Variants in ZBTB10 observed in about 807,000 individuals in gnomAD.
ZBTB10 encodes the protein zinc finger and BTB domain containing 10.
Under a neutral mutation model 76.4 loss-of-function variants are expected in ZBTB10, and 32 were observed. That is an observed-to-expected ratio of 0.42 (90% CI 0.32 to 0.56). The LOEUF (loss-of-function observed/expected upper bound fraction) is 0.56. ZBTB10 is among the 20% of genes least tolerant of loss of function. The probability of loss-of-function intolerance (pLI) is 0.14; values close to 1 mark genes in which losing one functional copy is unlikely to be tolerated. For synonymous variants in ZBTB10, 523 were observed against 432.9 expected (o/e 1.21, Z -2.58); for missense variants, 1,057 against 1,098.5 (o/e 0.96, Z 0.53).
At position 80,487,257 on chromosome 8, in the gene ZBTB10, C is replaced by A; in HGVS notation, c.447C>A (p.Pro149=). 6.4e-7 allele frequency: 1 copy of A among 1,552,184 alleles called. No individual in the cohort carries two copies. Among genetic ancestry groups the A allele is most frequent in the Admixed American group, 1.9e-5 (1 of 51,648 alleles). ...GCCGCCCCGAGACCTCGGTGTGGCCCTTGAGGCATTTCAATGGGCGAGGGC... is the reference window on the plus strand; with the variant it reads ...GCCGCCCCGAGACCTCGGTGTGGCCATTGAGGCATTTCAATGGGCGAGGGC... ...SRGRPETSVW[P]LRHFNGRGPA... is the part of the protein sequence containing the mutation. The change falls in exon 1 of 6, where the codon CCC becomes CCA. Residue 149 remains proline, a synonymous_variant. Transcript: ENST00000455036.
chr8:80,517,747 A>G (rs888946189), intron 3 of ZBTB10, among the ~76,000 whole-genome samples: 2 of 152,054 alleles, frequency 1.3e-5, no homozygotes, highest in Non-Finnish European at 2.9e-5. Context: ...CTTAAGTGAT[A>G]GAGTAGTTAG....
At position 80,505,049 on chromosome 8, in the gene ZBTB10, A is replaced by G. The variant is rs562184030; in HGVS notation, c.1861+4667A>G. Among the ~76,000 whole-genome samples the G allele has an allele frequency of 2.0e-5, 3 of 152,330 alleles. No individual in the cohort carries two copies. In the South Asian group the frequency reaches 6.2e-4, roughly 32 times the overall value. ...GTCATACTAGCAACTTCTACCTATT[A>G]TAAATAATTTTACTCTGTATGTACG... is the stretch of plus-strand genomic sequence containing the variant. On this transcript the variant is annotated intron_variant, in intron 2 of 5. Coordinates refer to ENST00000455036, the MANE Select transcript of ZBTB10 (RefSeq NM_001105539.3).
upstream of ZBTB10, chr8:80,486,150 C>A (rs1279526726): frequency 1.3e-6 from 1 of 752,946 alleles, no homozygotes; most frequent in Non-Finnish European, 1.8e-6. Flanking sequence ...CCCCCTCCCC[C>A]AGCCCGGCCC....
intron 1 of ZBTB10, among the ~76,000 whole-genome samples, chr8:80,497,233 A>G (rs763280784): frequency 2.8e-4 from 43 of 151,636 alleles, no homozygotes; most frequent in Non-Finnish European, 5.3e-4. Context: ...TTTTTCTTTT[A>G]ACCAAATATT....
intron 1 of ZBTB10, among the ~76,000 whole-genome samples, chr8:80,490,269 TG>T (rs1307600021): frequency 6.6e-6 from 1 of 152,164 alleles, no homozygotes; most frequent in African/African-American, 2.4e-5. Context: ...CTTTTTGTTT[TG>T]TTTTTTTGAG....
chr8:80,517,435 T>C (rs2131517359), intron 3 of ZBTB10, among the ~76,000 whole-genome samples: 1 of 152,310 alleles, frequency 6.6e-6, no homozygotes, highest in East Asian at 1.9e-4. Flanking sequence ...CTGTCCTTGC[T>C]AATCTGAAGA....
At chr8:80,519,168 A>C in intron 5 of ZBTB10, 55 bp from the exon 6 acceptor site, 1 of 1,534,106 alleles carries the variant, frequency 6.5e-7, no homozygotes, top group Non-Finnish European at 8.8e-7. Context: ...AGTGGTTCAA[A>C]TGCATTCTAT....
At chr8:80,514,619 A>G (rs934757628) in intron 3 of ZBTB10, among the ~76,000 whole-genome samples, 4 of 152,338 alleles carry the variant, frequency 2.6e-5, no homozygotes, top group Admixed American at 1.3e-4. Context: ...TTGTCCCCCT[A>G]TGATTGGGTG....
intron 1 of ZBTB10, among the ~76,000 whole-genome samples, chr8:80,493,207 G>GCGCGCGCGCGCGCGCGCGCACACACACA (rs375071529): frequency 8.0e-6 from 1 of 125,244 alleles, no homozygotes; most frequent in Non-Finnish European, 1.7e-5. Flanking sequence ...GCGCGCGCGC[G>GCGCGCGCGCGCGCGCGCGCACACACACA]CACACACACA....
intron 2 of ZBTB10, among the ~76,000 whole-genome samples, chr8:80,509,730 C>T (rs559717212): frequency 2.2e-4 from 34 of 152,106 alleles, no homozygotes; most frequent in Non-Finnish European, 4.4e-4. Context: ...GTCTTTTAAT[C>T]CCATCTCATT....
In ZBTB10 at chr8:80,499,987, G is replaced by C; in HGVS notation, c.1466G>C (p.Gly489Ala). 1 of 1,613,906 alleles carries C rather than the reference G, an allele frequency of 6.2e-7. No homozygotes were observed. Among genetic ancestry groups the C allele is most frequent in the Non-Finnish European group, 8.5e-7 (1 of 1,179,884 alleles). Residue 489 changes from glycine (G) to alanine (A), a missense_variant, in exon 2 of 6, where the codon GGT becomes GCT. Around this residue, in one of 5 missense-constraint regions of ZBTB10, gnomAD observed 306 missense variants for 297.5 expected, o/e 1.03. Transcript: ENST00000455036. ...AATAGAAAACCAGTTAATAGAGATG[G>C]TCTGTCTTCATCACGGGATCAAAAA... ...YNNRKPVNRD[G>A]LSSSRDQKIA...
intron 1 of ZBTB10, among the ~76,000 whole-genome samples, chr8:80,493,201 GCGCGCGCA>G (rs1227582307): frequency 7.2e-5 from 8 of 110,640 alleles, no homozygotes; most frequent in African/African-American, 1.1e-4. Context: ...AAACGCGCGC[GCGCGCGCA>G]CACACACACA....
At chr8:80,515,548 C>G (rs1383687125) in intron 3 of ZBTB10, among the ~76,000 whole-genome samples, 1 of 152,190 alleles carries the variant, frequency 6.6e-6, no homozygotes, top group Non-Finnish European at 1.5e-5. Context: ...CAGAAAGTTG[C>G]TAACCGCGCA....
upstream of ZBTB10, chr8:80,486,224 T>A: frequency 9.5e-7 from 1 of 1,053,760 alleles, no homozygotes. Context: ...GGTCCGTTGT[T>A]CATTTGCCAT....
chr8:80,502,738 TAAAAAAAAA>T (rs33919475), intron 2 of ZBTB10, among the ~76,000 whole-genome samples: 1 of 145,084 alleles, frequency 6.9e-6, no homozygotes, highest in Non-Finnish European at 1.5e-5. Context: ...GCTAAAACAG[TAAAAAAAAA>T]AAAGACTTTC....
At chr8:80,502,358 C>A (rs188953127) in intron 2 of ZBTB10, among the ~76,000 whole-genome samples, 8 of 152,252 alleles carry the variant, frequency 5.3e-5, no homozygotes, top group Non-Finnish European at 1.0e-4. Context: ...ACCTCAGCCT[C>A]CCAAGTAGCT....
At chr8:80,512,249 GCTCT>G (rs1360325722) in intron 2 of ZBTB10, among the ~76,000 whole-genome samples, 1 of 152,148 alleles carries the variant, frequency 6.6e-6, no homozygotes, top group Non-Finnish European at 1.5e-5. Context: ...TCTGGCTTTA[GCTCT>G]CTCTATGTAC....
intron 1 of ZBTB10, among the ~76,000 whole-genome samples, chr8:80,495,561 A>C (rs562210): frequency 0.45 from 67,824 of 151,894 alleles, 19,579 homozygotes; most frequent in African/African-American, 0.83. Flanking sequence ...TTAGATACAC[A>C]TGCTTTCTGC....
chr8:80,507,624 T>C lies in ZBTB10; in HGVS notation c.1862-6286T>C, dbSNP rs551360971. Among the ~76,000 whole-genome samples, 509 of 150,814 alleles carry C rather than the reference T, an allele frequency of 3.4e-3. 1 individual carries two copies. Among genetic ancestry groups the C allele is most frequent in the African/African-American group, 0.011 (456 of 40,870 alleles). The stretch of plus-strand genomic sequence containing the variant: ...GCCAGACTCCATCTCAAAAAAAAAA[T>C]CTCCCTCTGTCACCCAGGCTGGAGT... On this transcript the variant is annotated intron_variant, in intron 2 of 5. Coordinates refer to ENST00000455036, the MANE Select transcript of ZBTB10 (RefSeq NM_001105539.3).
Sources: allele counts gnomAD v4.1 joint callset (sites outside exome capture counted in the v4.1 genomes callset), GRCh38; gene constraint gnomAD v4.1.1; regional missense constraint gnomAD v4.1.1; transcripts MANE v1.5; gene names NCBI Gene and HGNC (gene_info 2026-07-23, HGNC 2026-07-21).